Variants in PLXNA1 observed in about 807,000 individuals in gnomAD.
PLXNA1 encodes the protein plexin-A1.
In PLXNA1, 77 loss-of-function variants were observed where a neutral mutation model predicts 191.7. The observed-to-expected ratio is 0.40, with a 90% CI of 0.33 to 0.49. The LOEUF is 0.49. Ranked by LOEUF, PLXNA1 falls within the 20% of genes least tolerant of loss-of-function variation. The pLI is 0.63. For missense variants in PLXNA1, 2,110 were observed against 2,660.2 expected (o/e 0.79, Z 4.55); for synonymous variants, 1,137 against 1,156.4 (o/e 0.98, Z 0.34).
At chr3:126,984,155 AGGGAGGCCCCT>A (rs1338031853) in intron 1 of PLXNA1, among the ~76,000 whole-genome samples, 1 of 152,062 alleles carries the variant, frequency 6.6e-6, no homozygotes, top group Non-Finnish European at 1.5e-5. Flanking sequence ...TGGGGACTCC[AGGGAGGCCCCT>A]CGGTCGGCGT....
Position 127,029,457 on chromosome 3 carries a change from G to A in PLXNA1, c.4791G>A (p.Ser1597=), listed in dbSNP as rs750660306. The A allele has an allele frequency of 9.9e-6, 16 of 1,613,702 alleles. No homozygotes were observed. The highest frequency in any genetic ancestry group is 1.6e-4 in the Middle Eastern group (1 of 6,082). Residue 1597 remains serine (S), a synonymous_variant, in exon 27 of 32, where the codon TCG becomes TCA. Coordinates refer to ENST00000393409, the MANE Select transcript of PLXNA1 (RefSeq NM_032242.4). ...LAHYQVTDGS[S]VALVPKQTSA... is the part of the protein sequence containing the mutation. ...GCCCACAGGTGACAGACGGGTCCTC[G>A]GTGGCACTGGTGCCCAAGCAGACGT...
At position 127,014,817 on chromosome 3, in the gene PLXNA1, C is replaced by T. The variant is rs148252362; in HGVS notation, c.2863C>T (p.Arg955Cys). ...SPHYRALSPKRFTFVTPTFYR... is the reference protein window; with the variant it reads ...SPHYRALSPKCFTFVTPTFYR... Reference sequence around the variant, plus strand: ...ACACTACCGCGCCCTGTCACCCAAGCGCTTCACCTTCGTGGTGAGTCTGCT... The same window carrying T: ...ACACTACCGCGCCCTGTCACCCAAGTGCTTCACCTTCGTGGTGAGTCTGCT... Residue 955 changes from arginine to cysteine, a missense_variant, in exon 14 of 32, where the codon CGC becomes TGC. Physicochemically the swap from Arg to Cys is radical, Grantham distance 180. Around this residue, in one of 4 missense-constraint regions of PLXNA1, gnomAD observed 644 missense variants for 714.3 expected, o/e 0.90. Transcript: ENST00000393409. 1.1e-5 allele frequency: 18 copies of T among 1,612,304 alleles called. No individual in the cohort carries two copies. Among genetic ancestry groups the T allele is most frequent in the South Asian group, 2.2e-5 (2 of 91,048 alleles).
intron 16 of PLXNA1, 51 bp from the exon 17 acceptor site, chr3:127,016,893 C>T: frequency 6.7e-7 from 1 of 1,498,892 alleles, no homozygotes; most frequent in Non-Finnish European, 9.2e-7. Context: ...GTTTCCAGCT[C>T]ACTGGGCCCC....
chr3:127,003,491 A>T lies in PLXNA1; in HGVS notation c.1518+21A>T, dbSNP rs1389532228. 3 of 1,576,560 alleles carry T rather than the reference A, an allele frequency of 1.9e-6. No homozygotes were observed. The South Asian group carries it at 3.4e-5, about 18-fold the overall frequency. Reference sequence around the variant, plus strand: ...AGCAGGTGGGTGCTGCACCAGTCAGACGGTGTGGCTGAAGGTGGGGGCCCT... The same window carrying T: ...AGCAGGTGGGTGCTGCACCAGTCAGTCGGTGTGGCTGAAGGTGGGGGCCCT... On this transcript the variant is annotated intron_variant, in intron 4 of 31. Coordinates refer to ENST00000393409, the MANE Select transcript of PLXNA1 (RefSeq NM_032242.4).
At chr3:127,028,734 G>A (rs979455975) in intron 25 of PLXNA1, 11 of 561,512 alleles carry the variant, frequency 2.0e-5, no homozygotes, top group Admixed American at 3.3e-5. Context: ...TCGGTGCCAG[G>A]CTGAGGAGTT....
intron 10 of PLXNA1, among the ~76,000 whole-genome samples, chr3:127,013,354 C>T (rs2107631192): frequency 6.6e-6 from 1 of 150,906 alleles, no homozygotes; most frequent in Admixed American, 6.6e-5. Flanking sequence ...CAATTAAATT[C>T]CTGCAGATAA....
intron 23 of PLXNA1, chr3:127,027,240 G>A (rs191516322): frequency 6.5e-4 from 144 of 222,182 alleles, no homozygotes; most frequent in African/African-American, 3.1e-3. Context: ...GACAGGAGGC[G>A]GTTCTCATGC....
In PLXNA1 at chr3:127,034,231, G is replaced by T; in HGVS notation, c.*214G>T. 1.9e-6 allele frequency: 1 copy of T among 513,402 alleles called. No homozygotes were observed. The highest frequency in any genetic ancestry group is 3.2e-5 in the South Asian group (1 of 30,954). The allele number at this position is 513,402 out of a possible 1,614,324, so 31.8% of individuals were successfully genotyped here. A position where few individuals can be genotyped will look rare whatever the true frequency, so the allele number is the denominator to read the frequency against. On this transcript the variant is annotated 3_prime_UTR_variant, in exon 32 of 32. Transcript: ENST00000393409. The stretch of plus-strand genomic sequence containing the variant: ...CTGCCACACCACAGCTGCGCACACA[G>T]CTGCTTGCTCAGGGGCCGGGACAGC...
chr3:127,018,963 C>G (rs1415002882), intron 20 of PLXNA1, among the ~76,000 whole-genome samples: 5 of 152,134 alleles, frequency 3.3e-5, no homozygotes, highest in South Asian at 2.1e-4. Flanking sequence ...CAATGGGGAG[C>G]CCTTGCGCTT....
chr3:127,006,399 C>T (rs1412994845), intron 8 of PLXNA1, among the ~76,000 whole-genome samples: 1 of 152,208 alleles, frequency 6.6e-6, no homozygotes, highest in Non-Finnish European at 1.5e-5. Context: ...AGGGCAAGGC[C>T]ATGAGTGCAG....
chr3:127,024,082 A>G (rs2079165981), intron 23 of PLXNA1, among the ~76,000 whole-genome samples: 1 of 152,206 alleles, frequency 6.6e-6, no homozygotes, highest in Non-Finnish European at 1.5e-5. Context: ...TTCTATGAAG[A>G]CTGCATAGTA....
intron 1 of PLXNA1, among the ~76,000 whole-genome samples, chr3:126,985,271 C>T (rs2078952669): frequency 6.6e-6 from 1 of 152,094 alleles, no homozygotes; most frequent in South Asian, 2.1e-4. Flanking sequence ...AGGAGAGGAG[C>T]CCCTGGGCTG....
At chr3:127,010,609 C>T (rs1341769594) in intron 9 of PLXNA1, among the ~76,000 whole-genome samples, 1 of 152,132 alleles carries the variant, frequency 6.6e-6, no homozygotes, top group Non-Finnish European at 1.5e-5. Context: ...CAGGTAGGGG[C>T]CAGCCACATT....
chr3:127,017,847 A>G lies in PLXNA1; in HGVS notation c.3615A>G (p.Gln1205=), dbSNP rs1486448370. 1.2e-6 allele frequency: 2 copies of G among 1,612,758 alleles called. No homozygotes were observed. Among genetic ancestry groups the G allele is most frequent in the East Asian group, 2.2e-5 (1 of 44,852 alleles). Residue 1205 remains glutamine (Q), a synonymous_variant, in exon 19 of 32, where the codon CAA becomes CAG. Coordinates refer to ENST00000393409, the MANE Select transcript of PLXNA1 (RefSeq NM_032242.4). ...TPCTLTVSET[Q]LLCEAPNLTG... is the part of the protein sequence containing the mutation. ...GTACCCTCACCGTGTCGGAGACGCAACTGCTGTGCGAGGCGCCCAACCTCA... is the reference window on the plus strand; with the variant it reads ...GTACCCTCACCGTGTCGGAGACGCAGCTGCTGTGCGAGGCGCCCAACCTCA...
chr3:127,029,836 T>G lies in PLXNA1; in HGVS notation c.4871-38T>G, dbSNP rs777003805. The G allele has an allele frequency of 5.9e-6, 9 of 1,536,676 alleles. No homozygotes were observed. The South Asian group carries it at 7.2e-5, about 12-fold the overall frequency. On this transcript the variant is annotated intron_variant, in intron 27 of 31. Coordinates refer to ENST00000393409, the MANE Select transcript of PLXNA1 (RefSeq NM_032242.4). Reference sequence around the variant, plus strand: ...ACAGGCTCGGGCGGGGGGTGCGGGGTGCCAGCCAACGCGGGCGCTGACAGC... The same window carrying G: ...ACAGGCTCGGGCGGGGGGTGCGGGGGGCCAGCCAACGCGGGCGCTGACAGC...
chr3:126,989,027 A>C lies in PLXNA1; in HGVS notation c.434A>C (p.Asp145Ala). The C allele has an allele frequency of 6.2e-7, 1 of 1,613,268 alleles. No individual in the cohort carries two copies. The highest frequency in any genetic ancestry group is 8.5e-7 in the Non-Finnish European group (1 of 1,180,012). The change falls in exon 2 of 32, where the codon GAT (aspartate) becomes GCT (alanine). Residue 145 changes from aspartate to alanine, a missense_variant. This residue lies in a region of PLXNA1 where 903 missense variants were observed against 1,015.7 expected (regional missense o/e 0.89). Coordinates refer to ENST00000393409, the MANE Select transcript of PLXNA1 (RefSeq NM_032242.4). ...ATCTGCCAGTTCCTGCGTCTGGACGATCTCTTCAAACTGGGTGAGCCACAC... is the reference window on the plus strand; with the variant it reads ...ATCTGCCAGTTCCTGCGTCTGGACGCTCTCTTCAAACTGGGTGAGCCACAC... ...QGICQFLRLD[D>A]LFKLGEPHHR... is the part of the protein sequence containing the mutation.
intron 9 of PLXNA1, among the ~76,000 whole-genome samples, chr3:127,009,913 G>T (rs1202074544): frequency 2.0e-5 from 3 of 152,228 alleles, no homozygotes; most frequent in Non-Finnish European, 4.4e-5. Context: ...GAGAAGTCGG[G>T]ACTTTCTCTT....
chr3:127,016,752 C>T (rs2079125762), intron 16 of PLXNA1, 68 bp downstream of exon 16: 6 of 1,563,064 alleles, frequency 3.8e-6, no homozygotes, highest in Admixed American at 1.7e-5. Flanking sequence ...GGAGCTCTTC[C>T]ACTGGGCACT....
intron 25 of PLXNA1, 41 bp from the exon 26 acceptor site, chr3:127,028,951 AG>A: frequency 6.7e-7 from 1 of 1,490,558 alleles, no homozygotes; most frequent in Non-Finnish European, 9.3e-7. Context: ...GGAGGGAAAG[AG>A]GGCCCCAGCG....
Sources: gnomAD v4.1 joint callset for allele counts (sites outside exome capture counted in the v4.1 genomes callset) on GRCh38, gnomAD v4.1.1 for gene constraint, gnomAD v4.1.1 regional missense constraint, MANE v1.5 for transcripts, NCBI Gene and HGNC (gene_info 2026-07-23, HGNC 2026-07-21) for gene names.